Variants in CORIN observed in about 807,000 individuals in gnomAD.
The protein encoded by CORIN is atrial natriuretic peptide-converting enzyme.
Under a neutral mutation model 125.3 loss-of-function variants are expected in CORIN, and 117 were observed. The ratio of observed to expected loss-of-function variants is 0.93; its 90% CI spans 0.80 to 1.09. The LOEUF is 1.09. Among genes scored for constraint, CORIN ranks in the 50% least tolerant of loss-of-function variants. CORIN has a pLI of 0.00. For missense variants in CORIN, 1,253 were observed against 1,306.7 expected (o/e 0.96, Z 0.63); for synonymous variants, 450 against 466.4 (o/e 0.96, Z 0.45).
chr4:47,603,312 C>T, intron 20 of CORIN, 85 bp downstream of exon 20: 1 of 1,401,786 alleles, frequency 7.1e-7, no homozygotes, highest in South Asian at 1.3e-5. Flanking sequence ...AACTGTGAAT[C>T]AATTAAACTT....
intron 4 of CORIN, among the ~76,000 whole-genome samples, chr4:47,761,401 G>A (rs1219503244): frequency 6.6e-6 from 1 of 152,058 alleles, no homozygotes; most frequent in Admixed American, 6.6e-5. Flanking sequence ...AGGCGAGGGA[G>A]AGAGACAATG....
chr4:47,781,556 A>G (rs1158152499), intron 3 of CORIN, among the ~76,000 whole-genome samples: 3 of 152,244 alleles, frequency 2.0e-5, no homozygotes, highest in African/African-American at 7.2e-5. Context: ...GGTTCGATGT[A>G]TTAAATGTAT....
At chr4:47,602,059 A>C (rs1183154774) in intron 20 of CORIN, among the ~76,000 whole-genome samples, 1 of 151,164 alleles carries the variant, frequency 6.6e-6, no homozygotes, top group Non-Finnish European at 1.5e-5. Flanking sequence ...TGAGGTCAGG[A>C]GTTTGAAACT....
intron 19 of CORIN, among the ~76,000 whole-genome samples, chr4:47,615,765 A>G (rs1367418901): frequency 1.3e-5 from 2 of 152,184 alleles, no homozygotes; most frequent in Non-Finnish European, 2.9e-5. Flanking sequence ...TAGCCTCCGG[A>G]ACTGTATGGT....
intron 5 of CORIN, among the ~76,000 whole-genome samples, chr4:47,710,526 A>G (rs1408144337): frequency 6.6e-6 from 1 of 152,240 alleles, no homozygotes; most frequent in Non-Finnish European, 1.5e-5. Context: ...ATTTGTGTAG[A>G]TGCCACAGAG....
chr4:47,735,134 C>T (rs1247407073), intron 5 of CORIN, among the ~76,000 whole-genome samples: 2 of 152,154 alleles, frequency 1.3e-5, no homozygotes, highest in African/African-American at 2.4e-5. Flanking sequence ...ATAATAAACA[C>T]TTTGCTGGTT....
chr4:47,641,973 T>G lies in CORIN; in HGVS notation c.2145A>C (p.Ala715=). The change falls in exon 16 of 22, where the codon GCA becomes GCC. Residue 715 remains alanine (A), a synonymous_variant. Coordinates refer to ENST00000273857, the MANE Select transcript of CORIN (RefSeq NM_006587.4). ...HRAATEHHVC[A]DGWQEILSQL... Reference sequence around the variant, plus strand: ...GACTCAATATCTCCTGCCAGCCATCTGCACACACATGGTGTTCTGTGGCAG... The same window carrying G: ...GACTCAATATCTCCTGCCAGCCATCGGCACACACATGGTGTTCTGTGGCAG... The G allele has an allele frequency of 6.2e-7, 1 of 1,613,716 alleles. No homozygotes were observed. Among genetic ancestry groups the G allele is most frequent in the Non-Finnish European group, 8.5e-7 (1 of 1,179,692 alleles).
At chr4:47,809,453 G>A (rs971237990) in intron 1 of CORIN, among the ~76,000 whole-genome samples, 3 of 136,034 alleles carry the variant, frequency 2.2e-5, no homozygotes, top group Non-Finnish European at 4.5e-5. Flanking sequence ...TGCCCAGGCT[G>A]GAGTGCAGTG....
intron 3 of CORIN, 135 bp downstream of exon 3, chr4:47,786,590 G>A (rs183681845): frequency 1.1e-4 from 77 of 676,006 alleles, no homozygotes; most frequent in East Asian, 9.6e-4. Context: ...ACTCAGCTAC[G>A]CTTACCAGGA....
intron 2 of CORIN, among the ~76,000 whole-genome samples, chr4:47,790,910 C>CA (rs767134071): frequency 2.9e-3 from 422 of 148,006 alleles, no homozygotes; most frequent in Admixed American, 5.1e-3. Flanking sequence ...GCTCTATAGC[C>CA]AAAAAAAATG....
Position 47,763,601 on chromosome 4 carries a change from C to A in CORIN, c.410-15G>T. ...CATACAGGCACCTGGGAAGTAAAGA[C>A]ATGCACATTTAAGAGTGGACACATC... On this transcript the variant is annotated splice_polypyrimidine_tract_variant and intron_variant, in intron 3 of 21. Transcript: ENST00000273857. 1.2e-6 allele frequency: 2 copies of A among 1,608,054 alleles called. No individual in the cohort carries two copies. Among genetic ancestry groups the A allele is most frequent in the South Asian group, 2.2e-5 (2 of 90,932 alleles).
At chr4:47,611,527 T>C (rs953005025) in intron 19 of CORIN, among the ~76,000 whole-genome samples, 4 of 152,244 alleles carry the variant, frequency 2.6e-5, no homozygotes, top group African/African-American at 7.2e-5. Context: ...TATAGGATCA[T>C]GTCATCTGCA....
chr4:47,756,792 C>T (rs1729168145), intron 4 of CORIN, among the ~76,000 whole-genome samples: 1 of 152,196 alleles, frequency 6.6e-6, no homozygotes, highest in Admixed American at 6.5e-5. Flanking sequence ...AATATCTCTG[C>T]AATGTACTGG....
intron 19 of CORIN, among the ~76,000 whole-genome samples, chr4:47,617,349 A>C (rs1425922682): frequency 6.6e-6 from 1 of 152,206 alleles, no homozygotes; most frequent in Non-Finnish European, 1.5e-5. Context: ...AGGGAGTGAC[A>C]AGACTGAAAG....
chr4:47,764,491 T>C (rs1729615591), intron 3 of CORIN, among the ~76,000 whole-genome samples: 2 of 152,246 alleles, frequency 1.3e-5, no homozygotes, highest in South Asian at 2.1e-4. Flanking sequence ...TGTATAAAGA[T>C]TCATTGCTTT....
intron 5 of CORIN, among the ~76,000 whole-genome samples, chr4:47,734,371 C>T (rs898441494): frequency 1.3e-5 from 2 of 152,196 alleles, no homozygotes; most frequent in Non-Finnish European, 2.9e-5. Context: ...GAACCTGACA[C>T]CCAACGCAAG....
rs1297612966 is a variant in CORIN, at chr4:47,786,796, T to G, written c.338A>C (p.His113Pro). The change falls in exon 3 of 22, where the codon CAT becomes CCT. Residue 113 changes from histidine (H) to proline (P), a missense_variant. Coordinates refer to ENST00000273857, the MANE Select transcript of CORIN (RefSeq NM_006587.4). ...CCAGGCTGGAACGTGTTGGTCGGGA[T>G]GTGCAGTAGACACCACAGTGCTCTG... ...YNQSTVVSTA[H>P]PDQHVPAWTT... is the part of the protein sequence containing the mutation. 1 of 1,614,190 alleles carries G rather than the reference T, an allele frequency of 6.2e-7. No individual in the cohort carries two copies.
chr4:47,618,130 T>C (rs1252622984), intron 19 of CORIN, among the ~76,000 whole-genome samples: 1 of 148,788 alleles, frequency 6.7e-6, no homozygotes, highest in Non-Finnish European at 1.5e-5. Flanking sequence ...AGGTCAGGAG[T>C]TCGAGACCAG....
intron 16 of CORIN, among the ~76,000 whole-genome samples, chr4:47,637,576 C>T (rs1201638146): frequency 1.3e-5 from 2 of 152,248 alleles, no homozygotes; most frequent in African/African-American, 4.8e-5. Flanking sequence ...GGCCAAGGTA[C>T]AGCTCAGGAT....
Sources: gnomAD v4.1 joint callset for allele counts (sites outside exome capture counted in the v4.1 genomes callset) on GRCh38, gnomAD v4.1.1 for gene constraint, MANE v1.5 for transcripts, NCBI Gene and HGNC (gene_info 2026-07-23, HGNC 2026-07-21) for gene names.